EYA4: variants seen among roughly 807,000 people sequenced by gnomAD.
The protein encoded by EYA4 is EYA transcriptional coactivator and phosphatase 4, also known as protein phosphatase EYA4.
EYA4 carries 31 observed loss-of-function variants against 87.9 expected under a neutral mutation model. The ratio of observed to expected loss-of-function variants is 0.35; its 90% confidence interval spans 0.27 to 0.48. EYA4 has a LOEUF of 0.48. Among genes scored for constraint, EYA4 ranks in the 20% least tolerant of loss-of-function variants. The probability of loss-of-function intolerance (pLI) is 0.99; values close to 1 mark genes in which losing one functional copy is unlikely to be tolerated. For synonymous variants in EYA4, 263 were observed against 270.6 expected, an observed-to-expected ratio of 0.97 and a Z score of 0.28; for missense variants, 678 against 761.4, an observed-to-expected ratio of 0.89 and a Z score of 1.29.
intron 2 of EYA4, among the ~76,000 whole-genome samples, chr6:133,324,776 A>G (rs550690001): frequency 6.6e-6 from 1 of 152,122 alleles, no homozygotes; most frequent in Non-Finnish European, 1.5e-5. Flanking sequence ...CTTAAAAATA[A>G]TAATAAATTA....
intron 1 of EYA4, among the ~76,000 whole-genome samples, chr6:133,267,245 A>G (rs1474510011): frequency 6.6e-6 from 1 of 152,200 alleles, no homozygotes; most frequent in East Asian, 1.9e-4. Context: ...CCAAAAATGT[A>G]ATTGTTTATC....
At chr6:133,304,188 C>G (rs1467985367) in intron 2 of EYA4, among the ~76,000 whole-genome samples, 2 of 152,130 alleles carry the variant, frequency 1.3e-5, no homozygotes, top group African/African-American at 2.4e-5. Flanking sequence ...TCACCCTTAA[C>G]TAAGCATCAA....
Position 133,504,572 on chromosome 6 carries a change from CA to C in EYA4, c.1192-1532del, listed in dbSNP as rs375567843. On this transcript the variant is annotated intron_variant, in intron 13 of 19. Coordinates refer to ENST00000355286, the MANE Select transcript of EYA4 (RefSeq NM_004100.5). Reference sequence around the variant, plus strand: ...CATACCCCAGTGACCCCTTAGCACTCAATGCCTTTTTCTTAGCATTTAATTC... The same window carrying C: ...CATACCCCAGTGACCCCTTAGCACTCATGCCTTTTTCTTAGCATTTAATTC... 2.0e-3 allele frequency among the ~76,000 whole-genome samples: 304 copies of C among 152,338 alleles called. 1 individual carries two copies. Among genetic ancestry groups the C allele is most frequent in the African/African-American group, 6.7e-3 (280 of 41,584 alleles).
intron 2 of EYA4, among the ~76,000 whole-genome samples, chr6:133,297,455 C>T (rs937806074): frequency 1.3e-5 from 2 of 152,184 alleles, no homozygotes; most frequent in East Asian, 3.9e-4. Context: ...GCTTGTATCC[C>T]CATCATTGCC....
intron 2 of EYA4, among the ~76,000 whole-genome samples, chr6:133,370,981 T>G (rs1033118127): frequency 6.6e-6 from 1 of 152,196 alleles, no homozygotes; most frequent in Non-Finnish European, 1.5e-5. Context: ...AAAACCTTGA[T>G]GTGGAAGGCT....
chr6:133,274,584 G>T (rs1343002559), intron 1 of EYA4, 132 bp from the exon 2 acceptor site: 1 of 601,132 alleles, frequency 1.7e-6, no homozygotes. Flanking sequence ...GACAATATTA[G>T]TGGATTTTCT....
chr6:133,458,340 G>A (rs937105067), intron 6 of EYA4, among the ~76,000 whole-genome samples: 21 of 151,964 alleles, frequency 1.4e-4, no homozygotes, highest in African/African-American at 4.6e-4. Flanking sequence ...GACTAGAGGC[G>A]TTAAGTTCTC....
rs1459656469 is a variant in EYA4, at chr6:133,520,913, G to A, written c.1617-2143G>A. On this transcript the variant is annotated intron_variant, in intron 17 of 19. Coordinates refer to ENST00000355286, the MANE Select transcript of EYA4 (RefSeq NM_004100.5). Reference sequence around the variant, plus strand: ...TGCTGGGACAACTGGCTAGCCAAATGTAGAAAGCTGAAACTGGATCCCTTC... The same window carrying A: ...TGCTGGGACAACTGGCTAGCCAAATATAGAAAGCTGAAACTGGATCCCTTC... 2.0e-5 allele frequency among the ~76,000 whole-genome samples: 3 copies of A among 149,668 alleles called. No homozygotes were observed. In the Admixed American group the frequency reaches 2.0e-4, roughly 10 times the overall value.
intron 17 of EYA4, 23 bp from the exon 18 acceptor site, chr6:133,523,031 CAT>C (rs1562517980): frequency 1.3e-6 from 2 of 1,590,092 alleles, no homozygotes; most frequent in Non-Finnish European, 1.7e-6. Flanking sequence ...AGAAAACAAA[CAT>C]GTATATTTCC....
At chr6:133,321,427 A>G (rs1393885133) in intron 2 of EYA4, among the ~76,000 whole-genome samples, 1 of 152,168 alleles carries the variant, frequency 6.6e-6, no homozygotes, top group Non-Finnish European at 1.5e-5. Flanking sequence ...TGCTCATTTC[A>G]GCAGCTTTAA....
intron 5 of EYA4, chr6:133,453,014 T>C (rs1449338349): frequency 1.3e-5 from 2 of 152,132 alleles, no homozygotes; most frequent in African/African-American, 2.4e-5. Context: ...TTTGCTTCCA[T>C]TTTATTGCAT....
chr6:133,455,527 C>G (rs551538100), intron 5 of EYA4, among the ~76,000 whole-genome samples: 1 of 152,126 alleles, frequency 6.6e-6, no homozygotes, highest in African/African-American at 2.4e-5. Context: ...CAATTAATTT[C>G]TTTTCTAACA....
At chr6:133,464,750 T>C (rs1794699991) in intron 9 of EYA4, 29 bp from the exon 10 acceptor site, 1 of 1,337,416 alleles carries the variant, frequency 7.5e-7, no homozygotes. Context: ...AGGAATACTT[T>C]TAAAATGCAA....
At chr6:133,434,626 T>A (rs2128593460) in intron 3 of EYA4, among the ~76,000 whole-genome samples, 1 of 152,348 alleles carries the variant, frequency 6.6e-6, no homozygotes, top group Non-Finnish European at 1.5e-5. Flanking sequence ...ACTGCTCTCA[T>A]AGCCTTAAGC....
chr6:133,257,794 A>G (rs879305051), intron 1 of EYA4, among the ~76,000 whole-genome samples: 2 of 152,232 alleles, frequency 1.3e-5, no homozygotes, highest in African/African-American at 2.4e-5. Context: ...AACGTAATTT[A>G]TCCATTTCCT....
intron 2 of EYA4, among the ~76,000 whole-genome samples, chr6:133,292,407 A>G (rs1778559500): frequency 6.6e-6 from 1 of 152,212 alleles, no homozygotes. Context: ...AATTGTTGGA[A>G]TTATATGTAC....
chr6:133,475,216 A>T (rs1795620077), intron 11 of EYA4, among the ~76,000 whole-genome samples: 1 of 152,092 alleles, frequency 6.6e-6, no homozygotes, highest in South Asian at 2.1e-4. Context: ...ATTTTACTTC[A>T]TTCTCTTTCT....
chr6:133,512,862 A>G lies in EYA4; in HGVS notation c.1341-16A>G. 1 of 1,613,922 alleles carries G rather than the reference A, an allele frequency of 6.2e-7. No homozygotes were observed. The highest frequency in any genetic ancestry group is 8.5e-7 in the Non-Finnish European group (1 of 1,179,830). On this transcript the variant is annotated splice_polypyrimidine_tract_variant and intron_variant, in intron 15 of 19. Transcript: ENST00000355286. ...ACATGTAATTATTTCTTTTTAATGT[A>G]TTTTGGGTGTTACAGTACCTACAGT...
chr6:133,261,505 A>G (rs1175575963), intron 1 of EYA4, among the ~76,000 whole-genome samples: 1 of 152,182 alleles, frequency 6.6e-6, no homozygotes, highest in Non-Finnish European at 1.5e-5. Context: ...CACAACTTTG[A>G]TGTTATACAG....
Sources: gnomAD v4.1 joint callset for allele counts (sites outside exome capture counted in the v4.1 genomes callset) on GRCh38, gnomAD v4.1.1 for gene constraint, MANE v1.5 for transcripts, NCBI Gene and HGNC (gene_info 2026-07-23, HGNC 2026-07-21) for gene names.